RYR2: variants seen among roughly 807,000 people sequenced by gnomAD.
The protein encoded by RYR2 is cardiac muscle ryanodine receptor-calcium release channel.
In RYR2, 227 loss-of-function variants were observed where a neutral mutation model predicts 601.1. The ratio of observed to expected loss-of-function variants is 0.38; its 90% CI spans 0.34 to 0.42. The LOEUF (loss-of-function observed/expected upper bound fraction) is 0.42, where lower values mean the gene tolerates loss of function less well. Ranked by LOEUF, RYR2 falls within the 10% of genes least tolerant of loss-of-function variation. The pLI, the probability that RYR2 is intolerant of heterozygous loss-of-function variation, is 1.00. For synonymous variants in RYR2, 2,223 were observed against 2,175.1 expected, an observed-to-expected ratio of 1.02 and a Z score of -0.61; for missense variants, 4,646 against 6,156.5, an observed-to-expected ratio of 0.75 and a Z score of 8.21.
Position 237,708,982 on chromosome 1 carries a change from T to G in RYR2, c.10026T>G (p.Ala3342=). The G allele has an allele frequency of 6.2e-7, 1 of 1,613,830 alleles. No individual in the cohort carries two copies. The highest frequency in any genetic ancestry group is 1.1e-5 in the South Asian group (1 of 91,056). The change falls in exon 69 of 105, where the codon GCT becomes GCG. Residue 3342 remains alanine (A), a synonymous_variant. Coordinates refer to ENST00000366574, the MANE Select transcript of RYR2 (RefSeq NM_001035.3). ...TVVSEEDHLK[A]EARGDMSEAE... ...TGTCTGAGGAAGACCACCTGAAAGC[T>G]GAGGCCAGGGGGGACATGTCGGAGG...
intron 1 of RYR2, among the ~76,000 whole-genome samples, chr1:237,194,522 G>A (rs754683077): frequency 6.6e-6 from 1 of 152,174 alleles, no homozygotes; most frequent in Non-Finnish European, 1.5e-5. Context: ...GACAGGAAGG[G>A]ATCGGGAGGG....
intron 29 of RYR2, among the ~76,000 whole-genome samples, chr1:237,587,550 T>C (rs1469342250): frequency 1.3e-5 from 2 of 151,982 alleles, no homozygotes; most frequent in Admixed American, 1.3e-4. Flanking sequence ...TTTCTTTCAA[T>C]AATAATTACT....
At chr1:237,667,257 T>G (rs1457831283) in intron 57 of RYR2, among the ~76,000 whole-genome samples, 7 of 152,250 alleles carry the variant, frequency 4.6e-5, no homozygotes, top group Non-Finnish European at 1.0e-4. Flanking sequence ...GTAACTGTAT[T>G]GTTCCAAGAG....
chr1:237,776,344 A>G (rs2149327893), intron 87 of RYR2, among the ~76,000 whole-genome samples: 1 of 152,320 alleles, frequency 6.6e-6, no homozygotes, highest in Admixed American at 6.5e-5. Flanking sequence ...TTAATGACCT[A>G]CAGATTAAAA....
intron 99 of RYR2, among the ~76,000 whole-genome samples, chr1:237,807,560 CA>C (rs745387047): frequency 2.0e-5 from 3 of 152,152 alleles, no homozygotes; most frequent in Non-Finnish European, 2.9e-5. Flanking sequence ...CCATGTTGGC[CA>C]GGCTGGTCTC....
intron 4 of RYR2, among the ~76,000 whole-genome samples, chr1:237,359,984 C>T (rs755987076): frequency 1.3e-5 from 2 of 152,100 alleles, no homozygotes; most frequent in Non-Finnish European, 2.9e-5. Flanking sequence ...TGTCTATAGA[C>T]TGAGTGATGT....
At chr1:237,616,108 T>G (rs111695681) in intron 37 of RYR2, among the ~76,000 whole-genome samples, 5,003 of 152,172 alleles carry the variant, frequency 0.033, 106 homozygotes, top group Non-Finnish European at 0.053. Context: ...TAGGAGACCA[T>G]GCTCAGAGGA....
chr1:237,167,394 G>A (rs1373965120), intron 1 of RYR2, among the ~76,000 whole-genome samples: 5 of 152,160 alleles, frequency 3.3e-5, no homozygotes, highest in Admixed American at 3.3e-4. Context: ...TCTTCTTAGA[G>A]GGCCAAGAAC....
intron 1 of RYR2, among the ~76,000 whole-genome samples, chr1:237,099,014 T>C (rs1367199819): frequency 6.6e-6 from 1 of 152,108 alleles, no homozygotes; most frequent in Non-Finnish European, 1.5e-5. Flanking sequence ...ACCACTGCGC[T>C]TCTCACCTGC....
chr1:237,491,950 A>T, intron 18 of RYR2, 26 bp downstream of exon 18: 1 of 941,086 alleles, frequency 1.1e-6, no homozygotes, highest in South Asian at 1.5e-5. Context: ...TATTTCCCTG[A>T]ATGAATTCTC....
intron 27 of RYR2, among the ~76,000 whole-genome samples, chr1:237,551,470 G>T (rs907459895): frequency 6.9e-6 from 1 of 145,070 alleles, no homozygotes; most frequent in Non-Finnish European, 1.5e-5. Context: ...GGCAGAGCTT[G>T]CAGTGAGCCG....
At position 237,521,433 on chromosome 1, in the gene RYR2, C is replaced by T. The variant is rs72767767; in HGVS notation, c.2823-8994C>T. ...TAAAATCCCTTAATGGGGCCAGGCACGGTGGGTCACCTGAGGTCAGGTGAG... is the reference window on the plus strand; with the variant it reads ...TAAAATCCCTTAATGGGGCCAGGCATGGTGGGTCACCTGAGGTCAGGTGAG... On this transcript the variant is annotated intron_variant, in intron 24 of 104. Coordinates refer to ENST00000366574, the MANE Select transcript of RYR2 (RefSeq NM_001035.3). Among the ~76,000 whole-genome samples, 579 of 152,174 alleles carry T rather than the reference C, an allele frequency of 3.8e-3. 2 individuals are homozygous for T. Among genetic ancestry groups the T allele is most frequent in the Non-Finnish European group, 4.8e-3 (328 of 67,996 alleles).
rs904598458 is a variant in RYR2 at position 237,232,664 on chromosome 1, A to G, written c.49-37833A>G. On this transcript the variant is annotated intron_variant, in intron 1 of 104. Coordinates refer to ENST00000366574, the MANE Select transcript of RYR2 (RefSeq NM_001035.3). ...GCCTGTTAGAAGTTCCCAAGGCCCT[A>G]CGTCTGGACTGGTTACCAGTGAGAA... is the stretch of plus-strand genomic sequence containing the variant. 1.2e-4 allele frequency among the ~76,000 whole-genome samples: 18 copies of G among 152,288 alleles called. 1 individual carries two copies. Among genetic ancestry groups the G allele is most frequent in the Admixed American group, 1.2e-3 (18 of 15,304 alleles).
At chr1:237,377,827 C>G (rs1701165695) in intron 8 of RYR2, among the ~76,000 whole-genome samples, 1 of 152,008 alleles carries the variant, frequency 6.6e-6, no homozygotes, top group South Asian at 2.1e-4. Flanking sequence ...TTTATGAAAG[C>G]AAATTATTAT....
At chr1:237,324,383 A>G (rs1040634380) in intron 2 of RYR2, among the ~76,000 whole-genome samples, 2 of 152,290 alleles carry the variant, frequency 1.3e-5, no homozygotes, top group African/African-American at 2.4e-5. Context: ...TCGACACTCA[A>G]CAGTTACAGT....
intron 71 of RYR2, among the ~76,000 whole-genome samples, chr1:237,714,210 A>C (rs1227918733): frequency 6.6e-6 from 1 of 152,204 alleles, no homozygotes; most frequent in Non-Finnish European, 1.5e-5. Context: ...TTGTAAAATC[A>C]GAATAATGTG....
intron 6 of RYR2, among the ~76,000 whole-genome samples, chr1:237,370,374 A>G (rs1312759292): frequency 2.0e-5 from 3 of 152,068 alleles, no homozygotes; most frequent in African/African-American, 7.2e-5. Context: ...TATGTATTAT[A>G]TACTGTATTA....
intron 1 of RYR2, among the ~76,000 whole-genome samples, chr1:237,050,701 AT>A (rs1661152095): frequency 6.6e-6 from 1 of 152,250 alleles, no homozygotes; most frequent in South Asian, 2.1e-4. Context: ...AACTGAAATG[AT>A]ACATTTTGAG....
intron 17 of RYR2, among the ~76,000 whole-genome samples, chr1:237,476,435 GGGAGGT>G (rs1405970192): frequency 1.4e-5 from 2 of 145,848 alleles, no homozygotes; most frequent in African/African-American, 5.2e-5. Context: ...GCTTGAACCT[GGGAGGT>G]GGAGGTTGCA....
Sources: gnomAD v4.1 joint callset for allele counts (sites outside exome capture counted in the v4.1 genomes callset) on GRCh38, gnomAD v4.1.1 for gene constraint, MANE v1.5 for transcripts, NCBI Gene and HGNC (gene_info 2026-07-23, HGNC 2026-07-21) for gene names.